The following CDK15 variants were observed in gnomAD, a reference collection of about 807,000 sequenced individuals.
CDK15 encodes cyclin dependent kinase 15, also known as cyclin-dependent kinase 15.
In CDK15, 62 loss-of-function variants were observed where a neutral mutation model predicts 60.3. The observed-to-expected ratio is 1.03, with a 90% confidence interval of 0.84 to 1.27. The LOEUF is 1.27. CDK15 is among the 50% of genes most tolerant of loss of function. CDK15 has a pLI of 0.00. For missense variants in CDK15, 541 were observed against 527.8 expected, an observed-to-expected ratio of 1.03 and a Z score of -0.25; for synonymous variants, 194 against 195.7, an observed-to-expected ratio of 0.99 and a Z score of 0.07.
chr2:201,860,766 G>A (rs1379028799), intron 10 of CDK15: 1 of 1,352,078 alleles, frequency 7.4e-7, no homozygotes, highest in Non-Finnish European at 9.8e-7. Flanking sequence ...AGCATGGATG[G>A]CATACTGACA....
chr2:201,852,064 C>T (rs151123157), intron 9 of CDK15, among the ~76,000 whole-genome samples: 61 of 152,270 alleles, frequency 4.0e-4, no homozygotes, highest in African/African-American at 1.3e-3. Context: ...TTTCTCCCAT[C>T]GTAGGTTGTC....
chr2:201,824,509 G>T, intron 6 of CDK15: 1 of 225,986 alleles, frequency 4.4e-6, no homozygotes, highest in East Asian at 9.9e-5. Context: ...AATAGGCAGT[G>T]AGGGCCAGTC....
chr2:201,865,122 C>A (rs1380677664), intron 10 of CDK15, among the ~76,000 whole-genome samples: 1 of 152,160 alleles, frequency 6.6e-6, no homozygotes, highest in East Asian at 1.9e-4. Context: ...TGGAAGAGGG[C>A]TGGGTTCCAT....
chr2:201,807,781 A>G (rs1695580331), intron 2 of CDK15, 77 bp from the exon 3 acceptor site: 1 of 1,553,030 alleles, frequency 6.4e-7, no homozygotes, highest in Non-Finnish European at 8.7e-7. Flanking sequence ...CCCTGGGGAA[A>G]AAAAGTCAAC....
Position 201,807,943 on chromosome 2 carries a change from G to T in CDK15, c.359G>T (p.Gly120Val), listed in dbSNP as rs1357281663. The T allele has an allele frequency of 6.2e-7, 1 of 1,613,478 alleles. No homozygotes were observed. Among genetic ancestry groups the T allele is most frequent in the Non-Finnish European group, 8.5e-7 (1 of 1,179,870 alleles). The change falls in exon 3 of 14, where the codon GGG (glycine) becomes GTG (valine). Residue 120 changes from glycine (G) to valine (V), a missense_variant. Transcript: ENST00000652192. ...GEGSYATVYK[G>V]ISRINGQLVA... ...GGCTCTTATGCGACAGTTTACAAGG[G>T]GATTAGCAGGTGAGTGACACATAGC... is the stretch of plus-strand genomic sequence containing the variant.
chr2:201,878,323 T>C (rs905740035), intron 11 of CDK15, among the ~76,000 whole-genome samples: 21 of 151,642 alleles, frequency 1.4e-4, no homozygotes, highest in African/African-American at 4.8e-4. Flanking sequence ...CTCCCCATTT[T>C]TGTCCTGGGC....
In CDK15 at chr2:201,833,910, G is replaced by A; in HGVS notation, c.669G>A (p.Arg223=). The A allele has an allele frequency of 6.2e-7, 1 of 1,613,770 alleles. No homozygotes were observed. Among genetic ancestry groups the A allele is most frequent in the South Asian group, 1.1e-5 (1 of 91,050 alleles). ...AYIHHQHVLH[R]DLKPQNLLIS... is the part of the protein sequence containing the mutation. ...TCCACCACCAACACGTTCTTCACAGGGACCTGAAACCTCAGAACTTACTCA... is the reference window on the plus strand; with the variant it reads ...TCCACCACCAACACGTTCTTCACAGAGACCTGAAACCTCAGAACTTACTCA... Residue 223 remains arginine, a synonymous_variant, in exon 7 of 14, where the codon AGG becomes AGA. Transcript: ENST00000652192.
chr2:201,881,946 C>T (rs902417436), intron 12 of CDK15, among the ~76,000 whole-genome samples: 7 of 152,144 alleles, frequency 4.6e-5, no homozygotes, highest in African/African-American at 1.7e-4. Flanking sequence ...GAAACTTTCC[C>T]CATTGGCCCT....
chr2:201,830,061 G>A (rs1696682475), intron 6 of CDK15, among the ~76,000 whole-genome samples: 1 of 152,094 alleles, frequency 6.6e-6, no homozygotes, highest in African/African-American at 2.4e-5. Flanking sequence ...ACCTGCCTTG[G>A]CCTTCCAAAG....
intron 8 of CDK15, among the ~76,000 whole-genome samples, chr2:201,836,126 T>TA (rs1559126347): frequency 7.6e-4 from 56 of 73,854 alleles, no homozygotes; most frequent in Non-Finnish European, 1.0e-3. Context: ...ATATTATATA[T>TA]TTTATATATT....
intron 3 of CDK15, among the ~76,000 whole-genome samples, chr2:201,810,837 C>CTTTT (rs199591982): frequency 1.5e-4 from 18 of 123,634 alleles, no homozygotes; most frequent in African/African-American, 2.9e-4. Context: ...GGTATGCACT[C>CTTTT]TTTTTTTTTT....
At chr2:201,831,630 T>C (rs888657521) in intron 6 of CDK15, among the ~76,000 whole-genome samples, 1 of 152,200 alleles carries the variant, frequency 6.6e-6, no homozygotes, top group African/African-American at 2.4e-5. Context: ...CACAAATGCC[T>C]GTAGACGTAT....
chr2:201,812,030 C>T (rs1695790781), intron 3 of CDK15, among the ~76,000 whole-genome samples: 1 of 151,730 alleles, frequency 6.6e-6, no homozygotes, highest in Non-Finnish European at 1.5e-5. Context: ...AAAAATTAGC[C>T]AGGTGTGGTG....
intron 9 of CDK15, among the ~76,000 whole-genome samples, chr2:201,849,730 A>T (rs541978563): frequency 2.0e-5 from 3 of 152,358 alleles, no homozygotes; most frequent in Non-Finnish European, 4.4e-5. Context: ...AAGATGTGCT[A>T]TTAGGATACT....
intron 8 of CDK15, among the ~76,000 whole-genome samples, chr2:201,837,981 GA>G (rs1279642972): frequency 6.6e-6 from 1 of 152,086 alleles, no homozygotes; most frequent in Non-Finnish European, 1.5e-5. Flanking sequence ...AAACCCTCCT[GA>G]AACTGTCAGC....
chr2:201,806,623 GA>G lies in CDK15; in HGVS notation c.-39del. The G allele has an allele frequency of 6.5e-7, 1 of 1,534,576 alleles. No homozygotes were observed. Among genetic ancestry groups the G allele is most frequent in the Non-Finnish European group, 8.8e-7 (1 of 1,139,678 alleles). The stretch of plus-strand genomic sequence containing the variant: ...AACAAGGATAGGAGAGGCAGTGGGG[GA>G]AAGGTTCAAGTGCGGGTTTTCTCCT... On this transcript the variant is annotated 5_prime_UTR_variant, in exon 1 of 14. Transcript: ENST00000652192.
Position 201,823,814 on chromosome 2 carries a change from A to G in CDK15, c.606+87A>G, listed in dbSNP as rs1026992274. 2.4e-5 allele frequency: 26 copies of G among 1,092,724 alleles called. No homozygotes were observed. The Admixed American group carries it at 4.6e-4, about 19-fold the overall frequency. The allele number at this position is 1,092,724 out of a possible 1,614,324, so 67.7% of individuals were successfully genotyped here. A position where few individuals can be genotyped will look rare whatever the true frequency, so the allele number is the denominator to read the frequency against. On this transcript the variant is annotated intron_variant, in intron 6 of 13. Transcript: ENST00000652192. The stretch of plus-strand genomic sequence containing the variant: ...AGACTGTCTCACAAAGCAAAGTCCT[A>G]TGATACTAAATAAGAGGATGGACAT...
chr2:201,847,833 T>C (rs1191202306), intron 9 of CDK15, among the ~76,000 whole-genome samples: 1 of 152,162 alleles, frequency 6.6e-6, no homozygotes, highest in African/African-American at 2.4e-5. Context: ...CCCTGGATCT[T>C]TGTCAACTGA....
At chr2:201,852,517 T>C in intron 9 of CDK15, among the ~76,000 whole-genome samples, 1 of 152,250 alleles carries the variant, frequency 6.6e-6, no homozygotes, top group African/African-American at 2.4e-5. Context: ...GTGTTTTTCA[T>C]AAATAATCCT....
Sources: allele counts gnomAD v4.1 joint callset (sites outside exome capture counted in the v4.1 genomes callset), GRCh38; gene constraint gnomAD v4.1.1; transcripts MANE v1.5; gene names NCBI Gene and HGNC (gene_info 2026-07-23, HGNC 2026-07-21).